Variants in NCKAP5 observed in about 807,000 individuals in gnomAD.
NCKAP5 encodes nck-associated protein 5.
Under a neutral mutation model 167.0 loss-of-function variants are expected in NCKAP5, and 92 were observed. That is an observed-to-expected ratio of 0.55 (90% CI 0.47 to 0.66). NCKAP5 has a LOEUF of 0.66. Ranked by LOEUF, NCKAP5 falls within the 30% of genes least tolerant of loss-of-function variation. NCKAP5 has a pLI of 0.00. For synonymous variants in NCKAP5, 891 were observed against 877.4 expected, an observed-to-expected ratio of 1.02 and a Z score of -0.27; for missense variants, 2,378 against 2,315.0, an observed-to-expected ratio of 1.03 and a Z score of -0.56.
At chr2:133,085,106 A>T (rs946103694) in intron 6 of NCKAP5, among the ~76,000 whole-genome samples, 3 of 152,184 alleles carry the variant, frequency 2.0e-5, no homozygotes, top group African/African-American at 7.2e-5. Flanking sequence ...TGGGAAGGGT[A>T]GTTTTGGCCT....
the NCKAP5 span, among the ~76,000 whole-genome samples, chr2:133,635,455 C>A: frequency 6.6e-6 from 1 of 152,180 alleles, no homozygotes; most frequent in African/African-American, 2.4e-5. Flanking sequence ...GTCTTACAGC[C>A]ATCAGTCTGC....
intron 5 of NCKAP5, among the ~76,000 whole-genome samples, chr2:133,161,529 G>A (rs1420713467): frequency 6.6e-6 from 1 of 152,126 alleles, no homozygotes; most frequent in Non-Finnish European, 1.5e-5. Flanking sequence ...ATACAGCCGG[G>A]TACCCACATA....
intron 7 of NCKAP5, among the ~76,000 whole-genome samples, chr2:132,989,520 T>C (rs1167869057): frequency 1.3e-5 from 2 of 152,184 alleles, no homozygotes; most frequent in Non-Finnish European, 2.9e-5. Flanking sequence ...ATGAAATGAG[T>C]CTATCCTAGG....
intron 12 of NCKAP5, among the ~76,000 whole-genome samples, chr2:132,794,278 A>G (rs1574243843): frequency 9.7e-6 from 1 of 103,374 alleles, no homozygotes; most frequent in African/African-American, 3.8e-5. Flanking sequence ...AGAGAGAGAG[A>G]GAGAGAGAGA....
At chr2:133,026,307 G>A (rs966225082) in intron 6 of NCKAP5, among the ~76,000 whole-genome samples, 1 of 151,230 alleles carries the variant, frequency 6.6e-6, no homozygotes, top group African/African-American at 2.4e-5. Flanking sequence ...TTGATGATAG[G>A]TTCTTTTGCT....
chr2:132,905,988 G>A (rs944153770), intron 8 of NCKAP5, among the ~76,000 whole-genome samples: 1 of 152,168 alleles, frequency 6.6e-6, no homozygotes, highest in African/African-American at 2.4e-5. Flanking sequence ...GATTGTTCCT[G>A]ACTGCAGTAA....
At chr2:132,927,002 T>C (rs889455043) in intron 8 of NCKAP5, among the ~76,000 whole-genome samples, 2 of 152,224 alleles carry the variant, frequency 1.3e-5, no homozygotes, top group African/African-American at 4.8e-5. Context: ...TTTAATAGTT[T>C]CAGATATTAC....
intron 3 of NCKAP5, among the ~76,000 whole-genome samples, chr2:133,500,262 A>C (rs1158026317): frequency 1.3e-5 from 2 of 152,210 alleles, no homozygotes; most frequent in Non-Finnish European, 2.9e-5. Context: ...GCTCTCTAAA[A>C]AAGAAATCAG....
In NCKAP5 at chr2:133,121,096, A is replaced by T. The variant is rs2082236801; in HGVS notation, c.341+8882T>A. On this transcript the variant is annotated intron_variant, in intron 6 of 19. Coordinates refer to ENST00000409261, the MANE Select transcript of NCKAP5 (RefSeq NM_207363.3). Reference sequence around the variant, plus strand: ...ATCACTATTAGGAGCAATGTATGAAAATAACTGCCAATTTGTAGAAAATAC... The same window carrying T: ...ATCACTATTAGGAGCAATGTATGAATATAACTGCCAATTTGTAGAAAATAC... Among the ~76,000 whole-genome samples, 8 of 152,154 alleles carry T rather than the reference A, an allele frequency of 5.3e-5. 1 individual carries two copies. Among genetic ancestry groups the T allele is most frequent in the Admixed American group, 5.2e-4 (8 of 15,270 alleles).
At chr2:133,652,341 A>C in the NCKAP5 span, among the ~76,000 whole-genome samples, 40,720 of 152,108 alleles carry the variant, frequency 0.27, 8,401 homozygotes, top group African/African-American at 0.56. Context: ...GATAGTTATT[A>C]ATTCCTTAAG....
At chr2:132,931,445 T>A (rs1415296278) in intron 8 of NCKAP5, 1 of 152,202 alleles carries the variant, frequency 6.6e-6, no homozygotes, top group Non-Finnish European at 1.5e-5. Context: ...TAGTGGGGGC[T>A]GCCCGATTCG....
chr2:133,548,783 C>T (rs1481517790), intron 2 of NCKAP5, among the ~76,000 whole-genome samples: 1 of 152,052 alleles, frequency 6.6e-6, no homozygotes, highest in Non-Finnish European at 1.5e-5. Flanking sequence ...CATGCCAAAA[C>T]GTAAAGACCA....
At chr2:132,859,953 A>G (rs564963395) in intron 11 of NCKAP5, among the ~76,000 whole-genome samples, 4 of 138,198 alleles carry the variant, frequency 2.9e-5, no homozygotes, top group Non-Finnish European at 4.8e-5. Flanking sequence ...GAAGGCAAGT[A>G]AAAAAAAATA....
Position 133,432,843 on chromosome 2 carries a change from G to A in NCKAP5, c.69+84615C>T, listed in dbSNP as rs567454395. On this transcript the variant is annotated intron_variant, in intron 3 of 19. Coordinates refer to ENST00000409261, the MANE Select transcript of NCKAP5 (RefSeq NM_207363.3). Reference sequence around the variant, plus strand: ...ATCTGCACAATATCCTATGAAATGGGGATATTATTGTTCTTTTATTTCTAC... The same window carrying A: ...ATCTGCACAATATCCTATGAAATGGAGATATTATTGTTCTTTTATTTCTAC... 2.0e-3 allele frequency among the ~76,000 whole-genome samples: 303 copies of A among 152,166 alleles called. 1 individual carries two copies. The highest frequency in any genetic ancestry group is 2.6e-3 in the Admixed American group (39 of 15,266).
chr2:133,612,998 T>C, the NCKAP5 span, among the ~76,000 whole-genome samples: 1 of 151,946 alleles, frequency 6.6e-6, no homozygotes, highest in Non-Finnish European at 1.5e-5. Flanking sequence ...AAGCAAAGAG[T>C]GAGGAGAAAC....
the NCKAP5 span, among the ~76,000 whole-genome samples, chr2:133,604,932 CTT>C: frequency 6.6e-6 from 1 of 152,208 alleles, no homozygotes. Context: ...GGCCCCGTCT[CTT>C]TTGCTGGCTG....
At chr2:132,986,673 A>T (rs922954829) in intron 7 of NCKAP5, among the ~76,000 whole-genome samples, 3 of 152,246 alleles carry the variant, frequency 2.0e-5, no homozygotes, top group African/African-American at 7.2e-5. Context: ...GATTTCTTTT[A>T]AAAAAGATAT....
At chr2:133,241,748 C>T (rs974471029) in intron 4 of NCKAP5, among the ~76,000 whole-genome samples, 1 of 152,128 alleles carries the variant, frequency 6.6e-6, no homozygotes, top group African/African-American at 2.4e-5. Flanking sequence ...TCCACTAGGC[C>T]TTCTCCAGGC....
intron 8 of NCKAP5, among the ~76,000 whole-genome samples, chr2:132,908,176 G>A (rs971804903): frequency 2.8e-4 from 42 of 151,900 alleles, no homozygotes; most frequent in African/African-American, 9.7e-4. Context: ...ATATCTCTAT[G>A]GGGTTACACA....
Sources: gnomAD v4.1 joint callset for allele counts (sites outside exome capture counted in the v4.1 genomes callset) on GRCh38, gnomAD v4.1.1 for gene constraint, MANE v1.5 for transcripts, NCBI Gene and HGNC (gene_info 2026-07-23, HGNC 2026-07-21) for gene names.